The following MDGA2 variants were observed in gnomAD, a reference collection of about 807,000 sequenced individuals.
The protein encoded by MDGA2 is MAM domain-containing glycosylphosphatidylinositol anchor protein 2.
A neutral mutation model predicts 117.8 loss-of-function variants in MDGA2; 40 were observed. The ratio of observed to expected loss-of-function variants is 0.34; its 90% CI spans 0.26 to 0.44. The LOEUF (loss-of-function observed/expected upper bound fraction) is 0.44. Among genes scored for constraint, MDGA2 ranks in the 20% least tolerant of loss-of-function variants. The pLI is 1.00. For missense variants in MDGA2, 1,123 were observed against 1,250.6 expected (o/e 0.90, Z 1.54); for synonymous variants, 452 against 439.0 (o/e 1.03, Z -0.37).
intron 1 of MDGA2, among the ~76,000 whole-genome samples, chr14:47,614,598 T>A (rs1896915914): frequency 6.6e-6 from 1 of 152,236 alleles, no homozygotes; most frequent in South Asian, 2.1e-4. Flanking sequence ...CAATGAGTGA[T>A]TCTTAAAAAT....
intron 1 of MDGA2, among the ~76,000 whole-genome samples, chr14:47,545,665 A>G (rs1895448014): frequency 6.6e-6 from 1 of 152,164 alleles, no homozygotes; most frequent in Admixed American, 6.5e-5. Flanking sequence ...GTTTCAATCA[A>G]TGACATTTAA....
At chr14:47,274,333 G>C (rs988926293) in intron 2 of MDGA2, among the ~76,000 whole-genome samples, 1 of 151,928 alleles carries the variant, frequency 6.6e-6, no homozygotes, top group African/African-American at 2.4e-5. Context: ...AAGTATGCAC[G>C]ATGTTTTTTT....
intron 14 of MDGA2, among the ~76,000 whole-genome samples, chr14:46,869,026 A>C (rs1158894638): frequency 6.6e-6 from 1 of 151,904 alleles, no homozygotes; most frequent in Non-Finnish European, 1.5e-5. Context: ...ATCTAAGCTT[A>C]CCCTTTTTAT....
intron 1 of MDGA2, among the ~76,000 whole-genome samples, chr14:47,442,080 A>C (rs17118678): frequency 0.025 from 3,812 of 152,258 alleles, 155 homozygotes; most frequent in African/African-American, 0.088. Flanking sequence ...GGCTCAAACA[A>C]ACACTACTTG....
chr14:46,845,182 C>G (rs1880783092), intron 16 of MDGA2, among the ~76,000 whole-genome samples: 1 of 152,152 alleles, frequency 6.6e-6, no homozygotes, highest in Non-Finnish European at 1.5e-5. Flanking sequence ...CGCGCCCGGC[C>G]GATCTGATGA....
chr14:47,530,990 A>G (rs1895086396), intron 1 of MDGA2, among the ~76,000 whole-genome samples: 2 of 152,198 alleles, frequency 1.3e-5, no homozygotes, highest in Admixed American at 1.3e-4. Flanking sequence ...TCATGCCTGT[A>G]ATCCCAGCAC....
intron 8 of MDGA2, among the ~76,000 whole-genome samples, chr14:46,976,595 A>G (rs1243216650): frequency 2.0e-5 from 3 of 151,910 alleles, no homozygotes; most frequent in African/African-American, 4.8e-5. Context: ...TTGAAAATAT[A>G]AAAAGGTTGA....
intron 3 of MDGA2, among the ~76,000 whole-genome samples, chr14:47,182,002 C>T (rs1426214218): frequency 6.6e-6 from 1 of 152,050 alleles, no homozygotes; most frequent in Non-Finnish European, 1.5e-5. Flanking sequence ...CATTTAGTTG[C>T]TGATGAACTA....
At chr14:47,399,360 A>G (rs1279875086) in intron 1 of MDGA2, among the ~76,000 whole-genome samples, 1 of 152,198 alleles carries the variant, frequency 6.6e-6, no homozygotes, top group Non-Finnish European at 1.5e-5. Context: ...GCAAAATGGG[A>G]AAAGCAGGTA....
chr14:47,118,152 A>C (rs1881432447), intron 5 of MDGA2, among the ~76,000 whole-genome samples: 1 of 152,182 alleles, frequency 6.6e-6, no homozygotes, highest in Non-Finnish European at 1.5e-5. Flanking sequence ...GTTATCACAG[A>C]TCTAATTTCA....
chr14:47,022,682 T>C (rs1888329005), intron 8 of MDGA2, among the ~76,000 whole-genome samples: 1 of 152,100 alleles, frequency 6.6e-6, no homozygotes, highest in Non-Finnish European at 1.5e-5. Context: ...GGAAATGATA[T>C]TGGAGTAATG....
rs554625839 is a variant in MDGA2 at position 47,315,107 on chromosome 14, T to C, written c.281-13557A>G. On this transcript the variant is annotated intron_variant, in intron 1 of 16. Coordinates refer to ENST00000399232, the MANE Select transcript of MDGA2 (RefSeq NM_001113498.3). Reference sequence around the variant, plus strand: ...CACATTTTTTCCCCCAGAGCTAATATAATGATTCTGTAGTTTATTTCTAAG... The same window carrying C: ...CACATTTTTTCCCCCAGAGCTAATACAATGATTCTGTAGTTTATTTCTAAG... Among the ~76,000 whole-genome samples, 43 of 152,284 alleles carry C rather than the reference T, an allele frequency of 2.8e-4. 1 individual carries two copies. The highest frequency in any genetic ancestry group is 9.6e-4 in the African/African-American group (40 of 41,570).
At chr14:47,330,881 TTG>T (rs1183028100) in intron 1 of MDGA2, among the ~76,000 whole-genome samples, 1 of 151,844 alleles carries the variant, frequency 6.6e-6, no homozygotes, top group Non-Finnish European at 1.5e-5. Context: ...CTATCTAAAT[TTG>T]TGTGTTTCAA....
At chr14:46,994,234 A>G (rs1167381939) in intron 8 of MDGA2, among the ~76,000 whole-genome samples, 5 of 152,150 alleles carry the variant, frequency 3.3e-5, no homozygotes, top group African/African-American at 1.2e-4. Context: ...TCACACTCGG[A>G]ACCCTACCAA....
chr14:46,919,667 G>A (rs1884048307), intron 10 of MDGA2, among the ~76,000 whole-genome samples: 1 of 152,174 alleles, frequency 6.6e-6, no homozygotes, highest in Non-Finnish European at 1.5e-5. Context: ...CAGTATAGGT[G>A]AGTGTGAGCA....
intron 7 of MDGA2, among the ~76,000 whole-genome samples, chr14:47,056,861 C>A (rs911205061): frequency 1.3e-5 from 2 of 152,018 alleles, no homozygotes; most frequent in African/African-American, 2.4e-5. Context: ...GGCTAAAATT[C>A]ACATGCATTT....
At chr14:47,653,482 G>T (rs575224396) in intron 1 of MDGA2, among the ~76,000 whole-genome samples, 1 of 152,098 alleles carries the variant, frequency 6.6e-6, no homozygotes, top group African/African-American at 2.4e-5. Context: ...GGCTACCCAC[G>T]CATTTGAGAA....
intron 1 of MDGA2, among the ~76,000 whole-genome samples, chr14:47,524,466 A>G (rs1249682885): frequency 1.3e-5 from 2 of 152,216 alleles, no homozygotes; most frequent in African/African-American, 4.8e-5. Context: ...GGCTCCAAGT[A>G]TGGCTTCTAG....
chr14:47,476,390 T>C (rs1893838360), intron 1 of MDGA2, among the ~76,000 whole-genome samples: 1 of 152,180 alleles, frequency 6.6e-6, no homozygotes, highest in South Asian at 2.1e-4. Context: ...AGGTTTTTTT[T>C]TGTAAAATAA....
Sources: gnomAD v4.1 joint callset for allele counts (sites outside exome capture counted in the v4.1 genomes callset) on GRCh38, gnomAD v4.1.1 for gene constraint, MANE v1.5 for transcripts, NCBI Gene and HGNC (gene_info 2026-07-23, HGNC 2026-07-21) for gene names.